The following SCFD2 variants were observed in gnomAD, a reference collection of about 807,000 sequenced individuals.
SCFD2 encodes sec1 family domain containing 2.
SCFD2 carries 54 observed loss-of-function variants against 58.9 expected under a neutral mutation model. That is an observed-to-expected ratio of 0.92 (90% CI 0.74 to 1.15). The LOEUF (loss-of-function observed/expected upper bound fraction) is 1.15, where lower values mean the gene tolerates loss of function less well. SCFD2 is among the 50% of genes most tolerant of loss of function. The pLI is 0.00. For missense variants in SCFD2, 805 were observed against 836.6 expected, an observed-to-expected ratio of 0.96 and a Z score of 0.47; for synonymous variants, 321 against 335.9, an observed-to-expected ratio of 0.96 and a Z score of 0.49.
intron 3 of SCFD2, among the ~76,000 whole-genome samples, chr4:53,298,349 T>C (rs1216428257): frequency 1.3e-5 from 2 of 152,126 alleles, no homozygotes; most frequent in East Asian, 3.9e-4. Flanking sequence ...CGCTCATTGC[T>C]AGCACAGCAG....
At chr4:53,140,501 C>G (rs959182783) in intron 5 of SCFD2, among the ~76,000 whole-genome samples, 3 of 149,968 alleles carry the variant, frequency 2.0e-5, no homozygotes, top group Non-Finnish European at 4.4e-5. Context: ...AGCTGGGCAA[C>G]CAATAGATTT....
chr4:52,925,355 C>CAT (rs35698588), intron 5 of SCFD2, among the ~76,000 whole-genome samples: 3,384 of 142,830 alleles, frequency 0.024, 108 homozygotes, highest in African/African-American at 0.078. Flanking sequence ...TATATATATA[C>CAT]ATATATATAT....
chr4:53,269,868 A>G (rs1287372904), intron 4 of SCFD2, among the ~76,000 whole-genome samples: 4 of 152,208 alleles, frequency 2.6e-5, no homozygotes, highest in African/African-American at 7.2e-5. Flanking sequence ...CTACAAAAAA[A>G]TACAAAAATT....
intron 5 of SCFD2, among the ~76,000 whole-genome samples, chr4:52,978,939 T>G (rs1317481255): frequency 6.6e-6 from 1 of 152,064 alleles, no homozygotes; most frequent in Non-Finnish European, 1.5e-5. Context: ...TTATTGTTGT[T>G]TTGTAGAGAT....
intron 4 of SCFD2, among the ~76,000 whole-genome samples, chr4:53,228,035 A>T (rs1204888397): frequency 1.3e-5 from 2 of 152,184 alleles, no homozygotes; most frequent in Non-Finnish European, 2.9e-5. Flanking sequence ...AAACTATGTA[A>T]CCTAGGTAAA....
intron 4 of SCFD2, among the ~76,000 whole-genome samples, chr4:53,232,306 A>G (rs1225985354): frequency 6.6e-6 from 1 of 152,206 alleles, no homozygotes. Flanking sequence ...ACTACAATAA[A>G]GATTTTTTTT....
At chr4:52,907,813 TC>T (rs777830673) in intron 6 of SCFD2, among the ~76,000 whole-genome samples, 2 of 152,156 alleles carry the variant, frequency 1.3e-5, no homozygotes, top group Non-Finnish European at 2.9e-5. Context: ...AGCATGCTTT[TC>T]TGCTTCTCAT....
chr4:53,283,808 C>A (rs560168810), intron 3 of SCFD2, among the ~76,000 whole-genome samples: 70 of 151,964 alleles, frequency 4.6e-4, no homozygotes, highest in African/African-American at 1.7e-3. Context: ...TTTACCGTAA[C>A]GTAACATAAT....
chr4:52,997,941 T>C (rs1388806561), intron 5 of SCFD2, among the ~76,000 whole-genome samples: 1 of 152,244 alleles, frequency 6.6e-6, no homozygotes, highest in African/African-American at 2.4e-5. Flanking sequence ...TCAAGAGTAG[T>C]AACATTATTT....
chr4:53,315,541 G>A (rs1385357831), intron 2 of SCFD2, among the ~76,000 whole-genome samples: 1 of 152,162 alleles, frequency 6.6e-6, no homozygotes, highest in Non-Finnish European at 1.5e-5. Flanking sequence ...GCATAGCTCA[G>A]CAGTTATGAA....
intron 5 of SCFD2, among the ~76,000 whole-genome samples, chr4:52,969,566 GGAA>G (rs1243985155): frequency 6.6e-6 from 1 of 152,202 alleles, no homozygotes; most frequent in East Asian, 1.9e-4. Flanking sequence ...CTGGTGGAAA[GGAA>G]GCTGGGGTGA....
chr4:53,250,946 A>G (rs374273193), intron 4 of SCFD2, among the ~76,000 whole-genome samples: 2 of 152,160 alleles, frequency 1.3e-5, no homozygotes, highest in Admixed American at 6.5e-5. Context: ...AAAAATCAAT[A>G]AATCCAGGAG....
At chr4:53,209,450 T>C (rs1728535824) in intron 4 of SCFD2, among the ~76,000 whole-genome samples, 1 of 152,142 alleles carries the variant, frequency 6.6e-6, no homozygotes, top group Non-Finnish European at 1.5e-5. Context: ...TAATGATCAG[T>C]TCCTCTTGGA....
chr4:53,350,203 A>G (rs1734174437), intron 2 of SCFD2, among the ~76,000 whole-genome samples: 1 of 152,074 alleles, frequency 6.6e-6, no homozygotes, highest in Non-Finnish European at 1.5e-5. Flanking sequence ...CCTTTGAAGA[A>G]CCACCCCTCC....
intron 5 of SCFD2, among the ~76,000 whole-genome samples, chr4:52,985,161 T>A (rs368986562): frequency 2.6e-5 from 4 of 152,202 alleles, no homozygotes; most frequent in African/African-American, 9.7e-5. Flanking sequence ...AATACTTATT[T>A]AATACTGTTT....
chr4:53,361,493 T>C (rs148907276), intron 1 of SCFD2, among the ~76,000 whole-genome samples: 3 of 152,250 alleles, frequency 2.0e-5, no homozygotes, highest in African/African-American at 7.2e-5. Context: ...AACTCCCAGG[T>C]TCAAGCAATC....
At chr4:53,177,876 G>A (rs991892929) in intron 4 of SCFD2, among the ~76,000 whole-genome samples, 1 of 152,108 alleles carries the variant, frequency 6.6e-6, no homozygotes, top group Non-Finnish European at 1.5e-5. Flanking sequence ...GGCTCAGAGG[G>A]TCCTACGCCC....
chr4:52,930,163 A>T (rs1003507653), intron 5 of SCFD2, among the ~76,000 whole-genome samples: 2 of 152,180 alleles, frequency 1.3e-5, no homozygotes, highest in Non-Finnish European at 2.9e-5. Context: ...AGACACATAG[A>T]CCAATGGAAC....
intron 2 of SCFD2, among the ~76,000 whole-genome samples, chr4:53,327,813 G>T (rs1464734666): frequency 1.3e-5 from 2 of 152,166 alleles, no homozygotes; most frequent in Non-Finnish European, 2.9e-5. Flanking sequence ...TGGAAGTATT[G>T]CTGGGAACTC....
Sources: gnomAD v4.1 joint callset for allele counts (sites outside exome capture counted in the v4.1 genomes callset) on GRCh38, gnomAD v4.1.1 for gene constraint, MANE v1.5 for transcripts, NCBI Gene and HGNC (gene_info 2026-07-23, HGNC 2026-07-21) for gene names.